Variants in PSD2 observed in about 807,000 individuals in gnomAD.
PSD2 encodes the protein pleckstrin and Sec7 domain containing 2, also known as PH and SEC7 domain-containing protein 2.
In PSD2, 38 loss-of-function variants were observed where a neutral mutation model predicts 69.8. That is an observed-to-expected ratio of 0.54 (90% confidence interval 0.42 to 0.71). The LOEUF (loss-of-function observed/expected upper bound fraction) is 0.71. Ranked by LOEUF, PSD2 falls within the 30% of genes least tolerant of loss-of-function variation. The pLI is 0.00. For missense variants in PSD2, 943 were observed against 1,014.5 expected (o/e 0.93, Z 0.96); for synonymous variants, 412 against 423.0 (o/e 0.97, Z 0.32).
chr5:139,747,035 T>C, the PSD2 span, among the ~76,000 whole-genome samples: 2 of 152,172 alleles, frequency 1.3e-5, no homozygotes, highest in Admixed American at 1.3e-4. The surrounding 1 kb of genome is among the most constrained non-coding windows in gnomAD (Gnocchi z 6.7). Context: ...TTTCATTGTG[T>C]GTCTCCTCTC....
intron 5 of PSD2, among the ~76,000 whole-genome samples, chr5:139,817,992 G>A (rs763794068): frequency 6.6e-6 from 1 of 152,162 alleles, no homozygotes; most frequent in Non-Finnish European, 1.5e-5. Context: ...TGGTAAAATG[G>A]GATTTTATCT....
chr5:139,786,726 C>T, the PSD2 span, among the ~76,000 whole-genome samples: 3 of 152,184 alleles, frequency 2.0e-5, no homozygotes, highest in South Asian at 6.2e-4. Flanking sequence ...AGTCCTGAGA[C>T]TTCTGCTTGT....
chr5:139,782,885 C>T, the PSD2 span, among the ~76,000 whole-genome samples: 1 of 152,240 alleles, frequency 6.6e-6, no homozygotes, highest in Admixed American at 6.5e-5. Flanking sequence ...TTTAAGTGTG[C>T]AATTCAGTGA....
chr5:139,809,938 C>G (rs1415603923), intron 2 of PSD2, 127 bp downstream of exon 2: 1 of 1,027,238 alleles, frequency 9.7e-7, no homozygotes, highest in Non-Finnish European at 1.4e-6. Context: ...TTTCATATCC[C>G]TCTTTTGCCC....
chr5:139,791,069 A>G (rs565961280), upstream of PSD2, among the ~76,000 whole-genome samples: 10 of 151,806 alleles, frequency 6.6e-5, no homozygotes, highest in South Asian at 1.5e-3. Flanking sequence ...TAAAAAAAGA[A>G]AAGAAAATGG....
the PSD2 span, among the ~76,000 whole-genome samples, chr5:139,773,414 A>C: frequency 6.6e-6 from 1 of 152,108 alleles, no homozygotes; most frequent in East Asian, 1.9e-4. Context: ...GGCACACACC[A>C]CCACACCCTG....
the PSD2 span, among the ~76,000 whole-genome samples, chr5:139,757,256 T>G: frequency 6.6e-6 from 1 of 152,114 alleles, no homozygotes; most frequent in Non-Finnish European, 1.5e-5. Context: ...GGGATGAGAA[T>G]CATCCTCCTC....
In PSD2 at chr5:139,838,779, G is replaced by A; in HGVS notation, c.1968+7G>A. The A allele has an allele frequency of 6.2e-7, 1 of 1,607,976 alleles. No homozygotes were observed. Among genetic ancestry groups the A allele is most frequent in the Non-Finnish European group, 8.5e-7 (1 of 1,175,996 alleles). ...CACCACCCGCCTCTGCCAGGTACAT[G>A]TTCCTGGGTCAACATTTTGCCTCCC... On this transcript the variant is annotated splice_region_variant and intron_variant, in intron 13 of 14. Coordinates refer to ENST00000274710, the MANE Select transcript of PSD2 (RefSeq NM_032289.4).
intron 9 of PSD2, among the ~76,000 whole-genome samples, chr5:139,836,144 G>A (rs1313632608): frequency 6.6e-6 from 1 of 152,188 alleles, no homozygotes; most frequent in African/African-American, 2.4e-5. Flanking sequence ...ACCACGTTTA[G>A]GTGGTGACTG....
the PSD2 span, among the ~76,000 whole-genome samples, chr5:139,747,404 G>A: frequency 6.6e-6 from 1 of 152,186 alleles, no homozygotes; most frequent in Non-Finnish European, 1.5e-5. The surrounding 1 kb of genome is among the most constrained non-coding windows in gnomAD (Gnocchi z 6.7). Context: ...GGCCTCTGCG[G>A]ATGGCAGAGG....
intron 1 of PSD2, among the ~76,000 whole-genome samples, chr5:139,806,691 T>C (rs1238370769): frequency 2.0e-5 from 3 of 152,068 alleles, no homozygotes; most frequent in Non-Finnish European, 4.4e-5. Flanking sequence ...GAGGGAGCAA[T>C]GATGAGTCCC....
At chr5:139,760,183 G>A in the PSD2 span, among the ~76,000 whole-genome samples, 2 of 152,210 alleles carry the variant, frequency 1.3e-5, no homozygotes, top group Middle Eastern at 3.2e-3. Flanking sequence ...CCAGTCCTGG[G>A]CCTGGCTGTG....
In PSD2 at chr5:139,834,709, T is replaced by C. The variant is rs1581737735; in HGVS notation, c.1359+918T>C. 2.6e-5 allele frequency among the ~76,000 whole-genome samples: 4 copies of C among 152,116 alleles called. No homozygotes were observed. In the South Asian group the frequency reaches 8.3e-4, roughly 32 times the overall value. On this transcript the variant is annotated intron_variant, in intron 8 of 14. Coordinates refer to ENST00000274710, the MANE Select transcript of PSD2 (RefSeq NM_032289.4). ...AACCCCAATGTTCCATAGAACATTG[T>C]CTCCATCACTCTTCTTACTATATTA...
Position 139,813,575 on chromosome 5 carries a change from G to C in PSD2, c.638G>C (p.Gly213Ala), listed in dbSNP as rs752305851. ...TTTGAGGGGGACATGGGGGCAGCTGGTGGTGATGGGGAGCTGGGCAGCCCC... is the reference window on the plus strand; with the variant it reads ...TTTGAGGGGGACATGGGGGCAGCTGCTGGTGATGGGGAGCTGGGCAGCCCC... ...MAFEGDMGAA[G>A]GDGELGSPLR... The change falls in exon 3 of 15, where the codon GGT becomes GCT. Residue 213 changes from glycine (G) to alanine (A), a missense_variant. By Grantham distance (60) the Gly-to-Ala change is moderately conservative. Coordinates refer to ENST00000274710, the MANE Select transcript of PSD2 (RefSeq NM_032289.4). 6.2e-7 allele frequency: 1 copy of C among 1,613,276 alleles called. No individual in the cohort carries two copies. Among genetic ancestry groups the C allele is most frequent in the Non-Finnish European group, 8.5e-7 (1 of 1,179,304 alleles).
At chr5:139,762,463 C>T in the PSD2 span, among the ~76,000 whole-genome samples, 2 of 152,216 alleles carry the variant, frequency 1.3e-5, no homozygotes, top group Non-Finnish European at 2.9e-5. Context: ...ACCTCAGCCT[C>T]TTGACTAGCT....
intron 8 of PSD2, 22 bp from the exon 9 acceptor site, chr5:139,835,701 C>G (rs772584432): frequency 3.1e-6 from 5 of 1,613,124 alleles, no homozygotes; most frequent in Non-Finnish European, 4.2e-6. Flanking sequence ...GAATTCCCCC[C>G]TCTCTCTTTT....
chr5:139,773,999 T>C, the PSD2 span, among the ~76,000 whole-genome samples: 2 of 146,646 alleles, frequency 1.4e-5, no homozygotes, highest in Non-Finnish European at 3.0e-5. Context: ...TGAGGGACAT[T>C]GTCCCTCAAT....
chr5:139,800,490 G>A (rs183715464), intron 1 of PSD2, among the ~76,000 whole-genome samples: 1 of 152,304 alleles, frequency 6.6e-6, no homozygotes, highest in Admixed American at 6.5e-5. Flanking sequence ...TTGAACTCCT[G>A]ACCTCAAGTG....
At chr5:139,841,626 C>G (rs1760873529) in intron 14 of PSD2, among the ~76,000 whole-genome samples, 1 of 152,206 alleles carries the variant, frequency 6.6e-6, no homozygotes, top group African/African-American at 2.4e-5. Flanking sequence ...ACATTCCCAC[C>G]AGCAGGGCAC....
Sources: gnomAD v4.1 joint callset for allele counts (sites outside exome capture counted in the v4.1 genomes callset) on GRCh38, gnomAD v4.1.1 for gene constraint, Gnocchi (gnomAD v3.1) non-coding constraint, MANE v1.5 for transcripts, NCBI Gene and HGNC (gene_info 2026-07-23, HGNC 2026-07-21) for gene names.